The following PEX14 variants were observed in gnomAD, a reference collection of about 807,000 sequenced individuals.
The protein encoded by PEX14 is peroxisomal biogenesis factor 14.
A neutral mutation model predicts 49.5 loss-of-function variants in PEX14; 15 were observed. The observed-to-expected ratio is 0.30, with a 90% CI of 0.20 to 0.47. The LOEUF is 0.47. PEX14 is among the 20% of genes least tolerant of loss of function. The pLI is 1.00. For synonymous variants in PEX14, 210 were observed against 212.7 expected (o/e 0.99, Z 0.11); for missense variants, 398 against 494.8 (o/e 0.80, Z 1.86).
intron 2 of PEX14, among the ~76,000 whole-genome samples, chr1:10,532,592 A>G (rs1638680729): frequency 6.6e-6 from 1 of 152,226 alleles, no homozygotes; most frequent in South Asian, 2.1e-4. Context: ...GCTTAGTGCC[A>G]GAATTCTCCC....
At chr1:10,627,488 AGGCACTGAGTCT>A in intron 8 of PEX14, 125 bp downstream of exon 8, 1 of 721,578 alleles carries the variant, frequency 1.4e-6, no homozygotes. Flanking sequence ...TGGGCGACTC[AGGCACTGAGTCT>A]GGGGCCTTTT....
intron 7 of PEX14, 60 bp downstream of exon 7, chr1:10,624,497 T>C: frequency 8.6e-7 from 1 of 1,167,018 alleles, no homozygotes; most frequent in South Asian, 1.2e-5. Flanking sequence ...TGCCCTTCAC[T>C]CTTGTCCCTT....
At chr1:10,499,735 A>C (rs947451760) in intron 2 of PEX14, among the ~76,000 whole-genome samples, 7 of 152,226 alleles carry the variant, frequency 4.6e-5, no homozygotes, top group East Asian at 1.9e-4. Flanking sequence ...GTGTGAGCCA[A>C]CGTGCCTGGC....
intron 3 of PEX14, among the ~76,000 whole-genome samples, chr1:10,570,876 C>A (rs1339953168): frequency 1.1e-5 from 1 of 90,422 alleles, no homozygotes; most frequent in Non-Finnish European, 2.1e-5. Context: ...GAGATGGTAT[C>A]TTACTCTGTT....
At chr1:10,479,940 T>A (rs958439162) in intron 1 of PEX14, among the ~76,000 whole-genome samples, 1 of 152,186 alleles carries the variant, frequency 6.6e-6, no homozygotes, top group Non-Finnish European at 1.5e-5. Context: ...GAGTCTGTAG[T>A]GCACGATGAT....
Position 10,628,238 on chromosome 1 carries a change from TG to T in PEX14, c.677+877del, listed in dbSNP as rs1641809233. On this transcript the variant is annotated intron_variant, in intron 8 of 8. Coordinates refer to ENST00000356607, the MANE Select transcript of PEX14 (RefSeq NM_004565.3). This position sits in a 1 kb window ranked among gnomAD's most constrained non-coding sequence, Gnocchi z 4.5. ...GTGAGCCACTGTGCCTGGACTGTTC[TG>T]GTTTTTTAAAACTGAAAGTCCAGTG... 6.6e-6 allele frequency among the ~76,000 whole-genome samples: 1 copy of T among 152,256 alleles called. No individual in the cohort carries two copies. Among genetic ancestry groups the T allele is most frequent in the Non-Finnish European group, 1.5e-5 (1 of 68,048 alleles).
intron 2 of PEX14, among the ~76,000 whole-genome samples, chr1:10,509,001 A>G (rs895976561): frequency 2.0e-5 from 3 of 151,534 alleles, no homozygotes; most frequent in African/African-American, 4.9e-5. Context: ...CAGTGGTGCG[A>G]TCTCGGCTCA....
chr1:10,604,629 G>T (rs1236146812), intron 4 of PEX14, among the ~76,000 whole-genome samples: 1 of 152,026 alleles, frequency 6.6e-6, no homozygotes, highest in Non-Finnish European at 1.5e-5. Flanking sequence ...CAAAAAGAAA[G>T]AAACTCTGAG....
At chr1:10,513,688 G>A (rs914308262) in intron 2 of PEX14, among the ~76,000 whole-genome samples, 2 of 152,310 alleles carry the variant, frequency 1.3e-5, no homozygotes, top group East Asian at 3.9e-4. Flanking sequence ...TCCAGCAGGG[G>A]TGCCAATTCT....
At chr1:10,482,883 T>A (rs76927098) in intron 1 of PEX14, among the ~76,000 whole-genome samples, 22,370 of 152,282 alleles carry the variant, frequency 0.15, 2,030 homozygotes, top group South Asian at 0.3. Flanking sequence ...TTTTATGGTA[T>A]TGACATGTTT....
intron 3 of PEX14, among the ~76,000 whole-genome samples, chr1:10,569,354 C>G (rs905393317): frequency 3.9e-5 from 6 of 152,084 alleles, no homozygotes; most frequent in Non-Finnish European, 8.8e-5. Flanking sequence ...AATCCTCACT[C>G]AGCTCAAGCT....
In PEX14 at chr1:10,514,985, C is replaced by T. The variant is rs1404545660; in HGVS notation, c.84+19664C>T. Among the ~76,000 whole-genome samples the T allele has an allele frequency of 6.6e-6, 1 of 152,152 alleles. No individual in the cohort carries two copies. The highest frequency in any genetic ancestry group is 1.5e-5 in the Non-Finnish European group (1 of 68,036). ...CCTTGGGCAAATGCTTGCCACTCCC[C>T]TGCCGCCTGCCCCTGTGTAGGTGGG... On this transcript the variant is annotated intron_variant, in intron 2 of 8. Transcript: ENST00000356607. This position sits in a 1 kb window ranked among gnomAD's most constrained non-coding sequence, Gnocchi z 4.4.
intron 4 of PEX14, among the ~76,000 whole-genome samples, chr1:10,604,284 T>C (rs531679898): frequency 1.3e-5 from 2 of 152,254 alleles, no homozygotes; most frequent in East Asian, 1.9e-4. Flanking sequence ...ACAAGAGCAT[T>C]CCAGGCTAAC....
intron 2 of PEX14, among the ~76,000 whole-genome samples, chr1:10,497,434 AT>A (rs1641589423): frequency 6.6e-6 from 1 of 152,230 alleles, no homozygotes; most frequent in Non-Finnish European, 1.5e-5. Context: ...TGTCTCCTGC[AT>A]GCTCAGCTTA....
chr1:10,534,457 C>T (rs528698666), intron 2 of PEX14, among the ~76,000 whole-genome samples: 3 of 152,204 alleles, frequency 2.0e-5, no homozygotes, highest in African/African-American at 7.2e-5. Flanking sequence ...CTACCTCTAC[C>T]CATCCCCTTT....
intron 3 of PEX14, among the ~76,000 whole-genome samples, chr1:10,565,666 G>T (rs1639783172): frequency 1.3e-5 from 2 of 152,100 alleles, no homozygotes; most frequent in Non-Finnish European, 2.9e-5. Context: ...GTTTTAAAAT[G>T]GATTTATAAT....
At chr1:10,565,064 C>T (rs546803073) in intron 3 of PEX14, among the ~76,000 whole-genome samples, 10 of 152,066 alleles carry the variant, frequency 6.6e-5, no homozygotes, top group South Asian at 2.1e-4. Context: ...CCACCACACC[C>T]GACTAATTTT....
chr1:10,625,921 C>T (rs1468681551), intron 7 of PEX14, among the ~76,000 whole-genome samples: 1 of 152,184 alleles, frequency 6.6e-6, no homozygotes, highest in African/African-American at 2.4e-5. Context: ...GCCTTCTCTC[C>T]CGAGCTGCAT....
At chr1:10,615,791 A>G (rs1641397282) in intron 4 of PEX14, among the ~76,000 whole-genome samples, 1 of 152,222 alleles carries the variant, frequency 6.6e-6, no homozygotes, top group African/African-American at 2.4e-5. Flanking sequence ...GCTGTAGAAA[A>G]CAAGATTGAG....
Sources: gnomAD v4.1 joint callset for allele counts (sites outside exome capture counted in the v4.1 genomes callset) on GRCh38, gnomAD v4.1.1 for gene constraint, Gnocchi (gnomAD v3.1) non-coding constraint, MANE v1.5 for transcripts, NCBI Gene and HGNC (gene_info 2026-07-23, HGNC 2026-07-21) for gene names.